The following KCNJ15 variants were observed in gnomAD, a reference collection of about 807,000 sequenced individuals.
The protein encoded by KCNJ15 is potassium inwardly rectifying channel subfamily J member 15, also known as ATP-sensitive inward rectifier potassium channel 15.
Under a neutral mutation model 23.0 loss-of-function variants are expected in KCNJ15, and 14 were observed. The ratio of observed to expected loss-of-function variants is 0.61; its 90% CI spans 0.40 to 0.95. The LOEUF (loss-of-function observed/expected upper bound fraction) is 0.95, where lower values mean the gene tolerates loss of function less well. KCNJ15 is among the 40% of genes least tolerant of loss of function. KCNJ15 has a pLI of 0.00. For missense variants in KCNJ15, 388 were observed against 461.8 expected (o/e 0.84, Z 1.46); for synonymous variants, 185 against 183.2 (o/e 1.01, Z -0.08).
At chr21:38,278,036 C>T (rs957372682) in intron 1 of KCNJ15, among the ~76,000 whole-genome samples, 67 of 152,208 alleles carry the variant, frequency 4.4e-4, no homozygotes, top group Non-Finnish European at 2.6e-4. Context: ...GTCTGCATCA[C>T]GCATCAGTAA....
At chr21:38,243,610 C>A (rs963545082) in intron 1 of KCNJ15, among the ~76,000 whole-genome samples, 47 of 152,086 alleles carry the variant, frequency 3.1e-4, no homozygotes, top group African/African-American at 1.1e-3. Flanking sequence ...TTAGTAAAGA[C>A]GGGGTTTTGT....
intron 1 of KCNJ15, among the ~76,000 whole-genome samples, chr21:38,295,060 C>T (rs1985002634): frequency 6.6e-6 from 1 of 152,158 alleles, no homozygotes; most frequent in Non-Finnish European, 1.5e-5. Context: ...GGAGGATTAA[C>T]CCTTTTCTCA....
intron 1 of KCNJ15, among the ~76,000 whole-genome samples, chr21:38,295,381 A>G (rs1475126028): frequency 6.6e-6 from 1 of 152,230 alleles, no homozygotes; most frequent in Non-Finnish European, 1.5e-5. Context: ...ATTTTTCCGA[A>G]ATAGACAATT....
chr21:38,231,359 T>C (rs1048322520), intron 1 of KCNJ15, among the ~76,000 whole-genome samples: 3 of 151,996 alleles, frequency 2.0e-5, no homozygotes, highest in African/African-American at 7.2e-5. Flanking sequence ...TTAAAATTTC[T>C]ACATACCAAA....
Position 38,300,576 on chromosome 21 carries a change from TG to T in KCNJ15, c.*188del. The stretch of plus-strand genomic sequence containing the variant: ...GCATTTCTGTGTTTGAGAGATTTCC[TG>T]TTAGGTGCTTCGTCTGAAAGTGAAC... On this transcript the variant is annotated 3_prime_UTR_variant, in exon 3 of 3. Coordinates refer to ENST00000398938, the MANE Select transcript of KCNJ15 (RefSeq NM_170736.3). 1.8e-6 allele frequency: 1 copy of T among 567,554 alleles called. No individual in the cohort carries two copies. The highest frequency in any genetic ancestry group is 3.2e-6 in the Non-Finnish European group (1 of 316,910). The allele number at this position is 567,554 out of a possible 1,614,324, so 35.2% of individuals were successfully genotyped here. A position where few individuals can be genotyped will look rare whatever the true frequency, so the allele number is the denominator to read the frequency against.
chr21:38,290,547 A>C (rs770981736), intron 1 of KCNJ15, among the ~76,000 whole-genome samples: 1 of 152,132 alleles, frequency 6.6e-6, no homozygotes, highest in Non-Finnish European at 1.5e-5. Flanking sequence ...CACCTCTCCA[A>C]TTTGCCAAGG....
In KCNJ15 at chr21:38,300,314, C is replaced by T. The variant is rs374337596; in HGVS notation, c.1053C>T (p.Leu351=). The change falls in exon 3 of 3, where the codon CTC becomes CTT. Residue 351 remains leucine (L), a synonymous_variant. Transcript: ENST00000398938. Reference sequence around the variant, plus strand: ...GTGCAGATTCTGAGAAACAGCAACTCGAGGAGAAGTACAGGCAGGAGGATC... The same window carrying T: ...GTGCAGATTCTGAGAAACAGCAACTTGAGGAGAAGTACAGGCAGGAGGATC... ...FYCADSEKQQ[L]EEKYRQEDQR... is the part of the protein sequence containing the mutation. 57 of 1,613,810 alleles carry T rather than the reference C, an allele frequency of 3.5e-5. No homozygotes were observed. Among genetic ancestry groups the T allele is most frequent in the Non-Finnish European group, 4.5e-5 (53 of 1,179,858 alleles).
At chr21:38,294,852 T>C (rs889935715) in intron 1 of KCNJ15, among the ~76,000 whole-genome samples, 1 of 152,242 alleles carries the variant, frequency 6.6e-6, no homozygotes. Flanking sequence ...AATCTTTTAC[T>C]GGTTTGAAGT....
At chr21:38,287,268 G>A (rs1569010344) in intron 1 of KCNJ15, among the ~76,000 whole-genome samples, 2 of 152,094 alleles carry the variant, frequency 1.3e-5, no homozygotes, top group African/African-American at 4.8e-5. Flanking sequence ...CCCCCATCCC[G>A]CAGTGGTTAG....
At chr21:38,263,062 TA>T (rs1195276625) in intron 1 of KCNJ15, among the ~76,000 whole-genome samples, 1 of 152,210 alleles carries the variant, frequency 6.6e-6, no homozygotes, top group Non-Finnish European at 1.5e-5. Flanking sequence ...AATGCTGTGA[TA>T]ATCTGATTAC....
chr21:38,280,423 G>A (rs933801151), intron 1 of KCNJ15, among the ~76,000 whole-genome samples: 4 of 152,072 alleles, frequency 2.6e-5, no homozygotes, highest in African/African-American at 7.3e-5. Context: ...GTGTGTGTTC[G>A]CTTTCTTTGG....
chr21:38,299,377 G>C lies in KCNJ15; in HGVS notation c.116G>C (p.Arg39Thr). ...VMSKSGHSNV[R>T]IDKVDGIYLL... ...TCCAAGAGTGGGCACAGCAACGTGA[G>C]AATTGACAAAGTGGATGGCATATAC... Residue 39 changes from arginine to threonine, a missense_variant, in exon 3 of 3, where the codon AGA (arginine) becomes ACA (threonine). Arg to Thr is a moderately conservative substitution (Grantham distance 71). Transcript: ENST00000398938. This position sits in a 1 kb window ranked among gnomAD's most constrained non-coding sequence, Gnocchi z 4.5. 6.2e-7 allele frequency: 1 copy of C among 1,614,226 alleles called. No homozygotes were observed. Among genetic ancestry groups the C allele is most frequent in the African/African-American group, 1.3e-5 (1 of 75,064 alleles).
chr21:38,278,069 A>G (rs530855841), intron 1 of KCNJ15, among the ~76,000 whole-genome samples: 1 of 152,350 alleles, frequency 6.6e-6, no homozygotes, highest in East Asian at 1.9e-4. Context: ...ACTGTAGGGT[A>G]TTGAGACACA....
chr21:38,268,126 T>C (rs1423677095), intron 1 of KCNJ15, among the ~76,000 whole-genome samples: 1 of 152,234 alleles, frequency 6.6e-6, no homozygotes, highest in Non-Finnish European at 1.5e-5. Context: ...ATAATGCAGT[T>C]ATTTGCTAAT....
At chr21:38,298,824 GA>G (rs1985435707) in intron 2 of KCNJ15, among the ~76,000 whole-genome samples, 1 of 152,180 alleles carries the variant, frequency 6.6e-6, no homozygotes, top group South Asian at 2.1e-4. Flanking sequence ...ATTACTCTAT[GA>G]AATAAATGCA....
intron 1 of KCNJ15, among the ~76,000 whole-genome samples, chr21:38,290,358 T>TA (rs1984468764): frequency 1.5e-4 from 1 of 6,734 alleles, no homozygotes; most frequent in Non-Finnish European, 3.1e-4. Context: ...TGGAAAAGAA[T>TA]TTTTTTTAGT....
In KCNJ15 at chr21:38,245,766, C is replaced by T. The variant is rs146069227; in HGVS notation, c.-398-11280C>T. On this transcript the variant is annotated intron_variant, in intron 1 of 4. Coordinates refer to the KCNJ15 transcript ENST00000547341. Reference sequence around the variant, plus strand: ...GGAGAAAGAGAATGAAAGGTGTTTACAGCTGGAAATCAAACAGAACTTTGC... The same window carrying T: ...GGAGAAAGAGAATGAAAGGTGTTTATAGCTGGAAATCAAACAGAACTTTGC... Among the ~76,000 whole-genome samples the T allele has an allele frequency of 1.8e-3, 280 of 152,268 alleles. 2 individuals are homozygous for T. Among genetic ancestry groups the T allele is most frequent in the African/African-American group, 6.5e-3 (270 of 41,568 alleles).
chr21:38,256,379 T>TATATATATATAA (rs1555882103), upstream of KCNJ15, among the ~76,000 whole-genome samples: 3 of 118,096 alleles, frequency 2.5e-5, no homozygotes. Context: ...TATATATATA[T>TATATATATATAA]AATATTTATC....
chr21:38,281,216 G>A (rs1052841497), intron 1 of KCNJ15, among the ~76,000 whole-genome samples: 5 of 152,220 alleles, frequency 3.3e-5, no homozygotes, highest in East Asian at 1.9e-4. Context: ...AGGATACTTA[G>A]GGACATACAT....
Sources: gnomAD v4.1 joint callset for allele counts (sites outside exome capture counted in the v4.1 genomes callset) on GRCh38, gnomAD v4.1.1 for gene constraint, Gnocchi (gnomAD v3.1) non-coding constraint, MANE v1.5 for transcripts, NCBI Gene and HGNC (gene_info 2026-07-23, HGNC 2026-07-21) for gene names.